ARMC8: variants seen among roughly 807,000 people sequenced by gnomAD.
ARMC8 encodes the protein armadillo repeat containing 8.
A neutral mutation model predicts 99.3 loss-of-function variants in ARMC8; 20 were observed. The ratio of observed to expected loss-of-function variants is 0.20; its 90% CI spans 0.14 to 0.29. ARMC8 has a LOEUF of 0.29. Ranked by LOEUF, ARMC8 falls within the 10% of genes least tolerant of loss-of-function variation. The pLI is 1.00. For synonymous variants in ARMC8, 263 were observed against 278.3 expected, an observed-to-expected ratio of 0.95 and a Z score of 0.55; for missense variants, 569 against 809.5, an observed-to-expected ratio of 0.70 and a Z score of 3.60.
At position 138,284,439 on chromosome 3, in the gene ARMC8, C is replaced by T; in HGVS notation, c.1734C>T (p.Cys578=). 6.2e-7 allele frequency: 1 copy of T among 1,612,500 alleles called. No individual in the cohort carries two copies. Among genetic ancestry groups the T allele is most frequent in the Non-Finnish European group, 8.5e-7 (1 of 1,178,594 alleles). ...HNIEVKEQTL[C]ILANIADGTT... ...CCTTTGTTCTTTTCCAGACACTGTG[C>T]ATCTTAGCCAACATAGCGGATGGGA... Residue 578 remains cysteine, a synonymous_variant, in exon 19 of 22, where the codon TGC becomes TGT. Transcript: ENST00000469044.
chr3:138,272,919 A>G (rs2048931371), intron 16 of ARMC8, 48 bp from the exon 17 acceptor site: 1 of 1,355,958 alleles, frequency 7.4e-7, no homozygotes, highest in Non-Finnish European at 9.7e-7. Flanking sequence ...ATATAATTTA[A>G]TAAAGTAAAT....
intron 1 of ARMC8, 116 bp downstream of exon 1, chr3:138,187,715 T>C (rs2043142192): frequency 8.6e-7 from 1 of 1,169,134 alleles, no homozygotes; most frequent in South Asian, 1.3e-5. Flanking sequence ...GGACCCCGGC[T>C]CAGTCTCGGG....
intron 20 of ARMC8, among the ~76,000 whole-genome samples, chr3:138,289,334 A>G (rs1167376823): frequency 2.6e-5 from 4 of 152,168 alleles, no homozygotes; most frequent in Non-Finnish European, 5.9e-5. Context: ...AGCCAACTCT[A>G]TACCAGATTC....
chr3:138,201,273 A>G, intron 1 of ARMC8, among the ~76,000 whole-genome samples: 1 of 150,304 alleles, frequency 6.7e-6, no homozygotes, highest in African/African-American at 2.5e-5. Context: ...TATTTTCTTG[A>G]CCAACTCAGT....
intron 9 of ARMC8, chr3:138,238,684 A>C (rs1010150934): frequency 1.3e-5 from 2 of 152,234 alleles, no homozygotes; most frequent in African/African-American, 4.8e-5. Flanking sequence ...AACAAGCCTC[A>C]AGATAATAAC....
intron 2 of ARMC8, among the ~76,000 whole-genome samples, chr3:138,210,642 AG>A (rs1324627300): frequency 7.2e-5 from 11 of 152,160 alleles, no homozygotes; most frequent in African/African-American, 2.7e-4. Flanking sequence ...AAAAGGGTCA[AG>A]ATACATTTGG....
At chr3:138,246,862 A>G in intron 12 of ARMC8, 1 of 929,218 alleles carries the variant, frequency 1.1e-6, no homozygotes, top group Non-Finnish European at 1.3e-6. Context: ...GATGACAAAT[A>G]AAGAAAAAGT....
At chr3:138,235,548 TAA>T (rs2046287201) in intron 7 of ARMC8, among the ~76,000 whole-genome samples, 1 of 152,208 alleles carries the variant, frequency 6.6e-6, no homozygotes, top group Admixed American at 6.5e-5. Flanking sequence ...AGTTAAAAAG[TAA>T]AGAGTTTCCA....
At chr3:138,208,755 A>G in intron 1 of ARMC8, among the ~76,000 whole-genome samples, 1 of 152,142 alleles carries the variant, frequency 6.6e-6, no homozygotes, top group South Asian at 2.1e-4. Flanking sequence ...TTAAATATGG[A>G]TTCTTTATTT....
Position 138,221,792 on chromosome 3 carries a change from T to C in ARMC8, c.123-134T>C, listed in dbSNP as rs1021390264. On this transcript the variant is annotated intron_variant, in intron 2 of 21. Transcript: ENST00000469044. ...TCTGCACCTATCTCTATCCCTTCAT[T>C]AGTACTTTAGGTGAAAAAAGGTTAG... The C allele has an allele frequency of 1.1e-5, 7 of 652,056 alleles. No homozygotes were observed. The African/African-American group carries it at 1.1e-4, about 10-fold the overall frequency. 40.4% of individuals were successfully genotyped at this position (652,056 alleles called of 1,614,324 possible). A position where few individuals can be genotyped will look rare whatever the true frequency, so the allele number is the denominator to read the frequency against.
At position 138,187,438 on chromosome 3, in the gene ARMC8, A is replaced by T; in HGVS notation, c.-117A>T. 2 of 1,045,124 alleles carry T rather than the reference A, an allele frequency of 1.9e-6. No individual in the cohort carries two copies. The highest frequency in any genetic ancestry group is 2.8e-6 in the Non-Finnish European group (2 of 712,134). 64.7% of individuals were successfully genotyped at this position (1,045,124 alleles called of 1,614,324 possible). On this transcript the variant is annotated 5_prime_UTR_variant, in exon 1 of 22. Coordinates refer to ENST00000469044, the MANE Select transcript of ARMC8 (RefSeq NM_001363941.2). Reference sequence around the variant, plus strand: ...CTTGAGCGGTGTCCAGAGCGTGGCCAGTTCTCGTCTATCTGGCTGCCTTTA... The same window carrying T: ...CTTGAGCGGTGTCCAGAGCGTGGCCTGTTCTCGTCTATCTGGCTGCCTTTA...
At chr3:138,259,619 TTC>T (rs1375847701) in intron 12 of ARMC8, among the ~76,000 whole-genome samples, 1 of 152,194 alleles carries the variant, frequency 6.6e-6, no homozygotes, top group African/African-American at 2.4e-5. Context: ...CAGTTACAGA[TTC>T]AGGCCTTCTG....
intron 15 of ARMC8, 75 bp downstream of exon 15, chr3:138,267,316 G>A (rs2048369024): frequency 3.4e-6 from 3 of 884,424 alleles, no homozygotes; most frequent in Non-Finnish European, 5.0e-6. Context: ...TATAGTAGTT[G>A]ACATTGAAAT....
chr3:138,262,030 G>A (rs1351025051), intron 12 of ARMC8: 1 of 152,850 alleles, frequency 6.5e-6, no homozygotes, highest in African/African-American at 2.4e-5. Context: ...CGCTGAGGTG[G>A]GATAGCTTAC....
rs1014188678 is a variant in ARMC8, at chr3:138,296,060, T to G, written c.*168T>G. On this transcript the variant is annotated 3_prime_UTR_variant, in exon 22 of 22. Transcript: ENST00000469044. ...GATCTCAAATTCATCTTGAGAACAT[T>G]TTTTTGAGGTAGTAATTTCCTCAGA... The G allele has an allele frequency of 2.3e-5, 13 of 556,456 alleles. No homozygotes were observed. Among genetic ancestry groups the G allele is most frequent in the Non-Finnish European group, 3.0e-5 (10 of 333,644 alleles). The allele number at this position is 556,456 out of a possible 1,614,324, so 34.5% of individuals were successfully genotyped here.
chr3:138,221,821 T>G (rs2045414169), intron 2 of ARMC8, 105 bp from the exon 3 acceptor site: 3 of 884,850 alleles, frequency 3.4e-6, no homozygotes, highest in Non-Finnish European at 5.4e-6. Flanking sequence ...AGGTTAGTGC[T>G]TTTACTTTGT....
At chr3:138,228,573 G>A (rs75871827) in intron 5 of ARMC8, 4,205 of 396,762 alleles carry the variant, frequency 0.011, 164 homozygotes, top group African/African-American at 0.081. Context: ...ATTTACTAGT[G>A]CATAACGTAC....
intron 14 of ARMC8, among the ~76,000 whole-genome samples, chr3:138,265,264 C>T (rs992345074): frequency 6.6e-6 from 1 of 151,814 alleles, no homozygotes; most frequent in Admixed American, 6.6e-5. Context: ...TTGTCCCCCC[C>T]AAAAAAGGTT....
chr3:138,248,626 T>C (rs2046985959), intron 12 of ARMC8, among the ~76,000 whole-genome samples: 1 of 152,218 alleles, frequency 6.6e-6, no homozygotes. Flanking sequence ...AATTTTGAGA[T>C]AGATTCTTCT....
Sources: gnomAD v4.1 joint callset for allele counts (sites outside exome capture counted in the v4.1 genomes callset) on GRCh38, gnomAD v4.1.1 for gene constraint, MANE v1.5 for transcripts, NCBI Gene and HGNC (gene_info 2026-07-23, HGNC 2026-07-21) for gene names.